Variants in CDH4 observed in about 807,000 individuals in gnomAD.
CDH4 encodes the protein cadherin-4.
In CDH4, 33 loss-of-function variants were observed where a neutral mutation model predicts 86.0. The observed-to-expected ratio is 0.38, with a 90% CI of 0.29 to 0.51. The LOEUF (loss-of-function observed/expected upper bound fraction) is 0.51, where lower values mean the gene tolerates loss of function less well. Among genes scored for constraint, CDH4 ranks in the 20% least tolerant of loss-of-function variants. CDH4 has a pLI of 0.86. For synonymous variants in CDH4, 555 were observed against 549.4 expected, an observed-to-expected ratio of 1.01 and a Z score of -0.14; for missense variants, 1,114 against 1,307.4, an observed-to-expected ratio of 0.85 and a Z score of 2.28.
chr20:61,506,250 A>G (rs185914972), intron 2 of CDH4, among the ~76,000 whole-genome samples: 2 of 152,360 alleles, frequency 1.3e-5, no homozygotes, highest in East Asian at 1.9e-4. Flanking sequence ...GGTGCATGCA[A>G]AAAACAAAAC....
chr20:61,884,698 G>T (rs548304632), intron 7 of CDH4, among the ~76,000 whole-genome samples: 2 of 152,164 alleles, frequency 1.3e-5, no homozygotes, highest in African/African-American at 4.8e-5. Flanking sequence ...CCTCGGGGGC[G>T]GCTGCTGCTA....
intron 2 of CDH4, among the ~76,000 whole-genome samples, chr20:61,263,479 T>C (rs1370200447): frequency 6.6e-6 from 1 of 152,188 alleles, no homozygotes; most frequent in Non-Finnish European, 1.5e-5. Context: ...ACTTACCATG[T>C]GCCAATGTGT....
At chr20:61,745,025 G>C (rs1438370645) in intron 3 of CDH4, among the ~76,000 whole-genome samples, 1 of 152,236 alleles carries the variant, frequency 6.6e-6, no homozygotes, top group African/African-American at 2.4e-5. Flanking sequence ...GTGGTGGAAA[G>C]AATGTGTGCC....
At chr20:61,546,318 AGGTGT>A (rs2086086375) in intron 2 of CDH4, among the ~76,000 whole-genome samples, 1 of 147,038 alleles carries the variant, frequency 6.8e-6, no homozygotes, top group African/African-American at 2.5e-5. Context: ...ATGTGTGCAG[AGGTGT>A]GTGTGTGAGG....
chr20:61,750,560 C>G (rs2088480061), intron 3 of CDH4, among the ~76,000 whole-genome samples: 1 of 152,182 alleles, frequency 6.6e-6, no homozygotes, highest in Non-Finnish European at 1.5e-5. Flanking sequence ...TTACACAAAC[C>G]TATCCAAAGA....
In CDH4 at chr20:61,516,037, GCCCC is replaced by G. The variant is rs896225807; in HGVS notation, c.170-227522_170-227519del. On this transcript the variant is annotated intron_variant, in intron 2 of 15. Coordinates refer to ENST00000614565, the MANE Select transcript of CDH4 (RefSeq NM_001794.5). This position sits in a 1 kb window ranked among gnomAD's most constrained non-coding sequence, Gnocchi z 4.0. ...CCCATCTTCCCCTGGGCTCTGGAAC[GCCCC>G]CCCAATACGATTCCACCGCAGGCAG... Among the ~76,000 whole-genome samples the G allele has an allele frequency of 6.6e-6, 1 of 151,878 alleles. No homozygotes were observed. The highest frequency in any genetic ancestry group is 1.5e-5 in the Non-Finnish European group (1 of 67,980).
At chr20:61,294,926 C>T (rs2084344012) in intron 2 of CDH4, among the ~76,000 whole-genome samples, 1 of 152,230 alleles carries the variant, frequency 6.6e-6, no homozygotes, top group Non-Finnish European at 1.5e-5. Context: ...CCCACCCGAG[C>T]TCCACCAGGC....
chr20:61,804,528 TCC>T (rs1313693787), intron 4 of CDH4, among the ~76,000 whole-genome samples: 1 of 152,080 alleles, frequency 6.6e-6, no homozygotes, highest in Non-Finnish European at 1.5e-5. Flanking sequence ...AAGCACTCAG[TCC>T]CCCTTCCTCC....
At chr20:61,817,616 G>T (rs1241057645) in intron 4 of CDH4, among the ~76,000 whole-genome samples, 1 of 152,150 alleles carries the variant, frequency 6.6e-6, no homozygotes, top group Non-Finnish European at 1.5e-5. Flanking sequence ...TCCCACGTGT[G>T]CTTTCTTCCA....
rs553830827 is a variant in CDH4 at position 61,358,876 on chromosome 20, T to C, written c.169+103939T>C. On this transcript the variant is annotated intron_variant, in intron 2 of 15. Transcript: ENST00000614565. ...TACAGGGAGCCGTCATGCGGCATGC[T>C]CACCGTCAGTTTCAGCCCAGGGTGA... 2.6e-5 allele frequency among the ~76,000 whole-genome samples: 4 copies of C among 152,284 alleles called. No homozygotes were observed. In the East Asian group the frequency reaches 7.8e-4, roughly 30 times the overall value.
chr20:61,707,904 G>A (rs2087849427), intron 2 of CDH4, among the ~76,000 whole-genome samples: 1 of 152,200 alleles, frequency 6.6e-6, no homozygotes, highest in Non-Finnish European at 1.5e-5. Flanking sequence ...TCGGGAATGT[G>A]TCTGGTGTGT....
chr20:61,525,668 CCTTA>C (rs1176528019), intron 2 of CDH4, among the ~76,000 whole-genome samples: 2 of 152,196 alleles, frequency 1.3e-5, no homozygotes, highest in South Asian at 2.1e-4. Context: ...CTCGTTTTCT[CCTTA>C]CTTACTGTTA....
At chr20:61,706,038 T>C (rs762171115) in intron 2 of CDH4, among the ~76,000 whole-genome samples, 9 of 152,204 alleles carry the variant, frequency 5.9e-5, no homozygotes, top group Non-Finnish European at 1.2e-4. Flanking sequence ...AGCCCTGTTC[T>C]TCCCTTCCAG....
intron 2 of CDH4, among the ~76,000 whole-genome samples, chr20:61,305,526 C>T (rs900152330): frequency 2.8e-4 from 43 of 152,222 alleles, no homozygotes; most frequent in African/African-American, 9.9e-4. Context: ...CACGACATTC[C>T]AAGTCCCTGG....
chr20:61,291,249 C>G (rs1034364138), intron 2 of CDH4, among the ~76,000 whole-genome samples: 2 of 152,186 alleles, frequency 1.3e-5, no homozygotes, highest in African/African-American at 4.8e-5. Context: ...CTGTGAGTGT[C>G]TTTATTTGGA....
intron 2 of CDH4, among the ~76,000 whole-genome samples, chr20:61,590,877 G>GCC (rs1555811632): frequency 2.7e-4 from 2 of 7,406 alleles, no homozygotes; most frequent in East Asian, 4.2e-3. Flanking sequence ...CTAAATCTAT[G>GCC]GGGGGGGGGG....
chr20:61,510,177 TA>T lies in CDH4; in HGVS notation c.170-233385del, dbSNP rs1291926982. On this transcript the variant is annotated intron_variant, in intron 2 of 15. Coordinates refer to ENST00000614565, the MANE Select transcript of CDH4 (RefSeq NM_001794.5). The surrounding 1 kb of genome is among the most constrained non-coding windows in gnomAD (Gnocchi z 4.2). The stretch of plus-strand genomic sequence containing the variant: ...CAGAAAGAGCTTCAACCCGGAAATT[TA>T]GTGATTTGCAATATGCCAGCATCTA... 5.3e-5 allele frequency among the ~76,000 whole-genome samples: 8 copies of T among 152,280 alleles called. No homozygotes were observed. The South Asian group carries it at 1.0e-3, about 20-fold the overall frequency.
At chr20:61,439,205 G>A (rs747910777) in intron 2 of CDH4, among the ~76,000 whole-genome samples, 8 of 152,144 alleles carry the variant, frequency 5.3e-5, no homozygotes, top group African/African-American at 1.4e-4. Flanking sequence ...TCTTAAAAGC[G>A]AGAGCCCAAG....
chr20:61,301,732 G>A (rs1185908920), intron 2 of CDH4, among the ~76,000 whole-genome samples: 3 of 152,210 alleles, frequency 2.0e-5, no homozygotes, highest in Non-Finnish European at 4.4e-5. Context: ...GAGACAGGAA[G>A]CCTGATGGTC....
Sources: allele counts gnomAD v4.1 joint callset (sites outside exome capture counted in the v4.1 genomes callset), GRCh38; gene constraint gnomAD v4.1.1; non-coding constraint Gnocchi (gnomAD v3.1); transcripts MANE v1.5; gene names NCBI Gene and HGNC (gene_info 2026-07-23, HGNC 2026-07-21).